The following WDR59 variants were observed in gnomAD, a reference collection of about 807,000 sequenced individuals.
WDR59 encodes WD repeat domain 59, also known as GATOR2 complex protein WDR59.
WDR59 carries 100 observed loss-of-function variants against 131.2 expected under a neutral mutation model. The ratio of observed to expected loss-of-function variants is 0.76; its 90% CI spans 0.65 to 0.90. The LOEUF (loss-of-function observed/expected upper bound fraction) is 0.90, where lower values mean the gene tolerates loss of function less well. Ranked by LOEUF, WDR59 falls within the 40% of genes least tolerant of loss-of-function variation. WDR59 has a pLI of 0.00. For synonymous variants in WDR59, 601 were observed against 466.2 expected, an observed-to-expected ratio of 1.29 and a Z score of -3.72; for missense variants, 1,203 against 1,262.2, an observed-to-expected ratio of 0.95 and a Z score of 0.71.
intron 8 of WDR59, among the ~76,000 whole-genome samples, chr16:74,932,164 G>C (rs1206969399): frequency 2.0e-5 from 3 of 151,564 alleles, no homozygotes; most frequent in Non-Finnish European, 2.9e-5. Flanking sequence ...TCTGATCACA[G>C]CTCATTGCAG....
At chr16:74,924,761 A>G (rs2030608717) in intron 8 of WDR59, among the ~76,000 whole-genome samples, 1 of 152,226 alleles carries the variant, frequency 6.6e-6, no homozygotes, top group African/African-American at 2.4e-5. Context: ...AATAGATGAC[A>G]GCAATCACTC....
intron 4 of WDR59, among the ~76,000 whole-genome samples, chr16:74,950,664 G>A (rs1337109746): frequency 6.6e-6 from 1 of 151,804 alleles, no homozygotes; most frequent in Admixed American, 6.6e-5. Context: ...GTGGATCAAG[G>A]AAAACTCGAA....
At chr16:74,876,046 C>T (rs1459605502) in intron 25 of WDR59, among the ~76,000 whole-genome samples, 2 of 152,142 alleles carry the variant, frequency 1.3e-5, no homozygotes, top group African/African-American at 4.8e-5. Flanking sequence ...TTCGTCGTTA[C>T]ACCACGCATC....
chr16:74,941,419 C>T (rs536019559), intron 7 of WDR59, among the ~76,000 whole-genome samples: 3 of 148,992 alleles, frequency 2.0e-5, no homozygotes, highest in East Asian at 2.0e-4. Context: ...TGTGGCCAGG[C>T]GTGGTGGCTC....
At chr16:74,929,228 C>T (rs2031157386) in intron 8 of WDR59, among the ~76,000 whole-genome samples, 1 of 152,180 alleles carries the variant, frequency 6.6e-6, no homozygotes, top group Non-Finnish European at 1.5e-5. Flanking sequence ...GCGCCCGCCA[C>T]CATGCCCAGC....
At chr16:74,925,215 T>C (rs958937245) in intron 8 of WDR59, among the ~76,000 whole-genome samples, 1 of 152,086 alleles carries the variant, frequency 6.6e-6, no homozygotes, top group African/African-American at 2.4e-5. Context: ...AGGCATTACG[T>C]TGAATGAAAA....
intron 14 of WDR59, among the ~76,000 whole-genome samples, chr16:74,910,267 C>G (rs936169079): frequency 6.6e-6 from 1 of 152,146 alleles, no homozygotes. Context: ...TGCGCCCGGC[C>G]CTGATTGGCT....
At chr16:74,941,068 G>C (rs1425086337) in intron 7 of WDR59, among the ~76,000 whole-genome samples, 1 of 151,942 alleles carries the variant, frequency 6.6e-6, no homozygotes, top group Non-Finnish European at 1.5e-5. Context: ...AAGAAGGCCA[G>C]GAGCAGTGGC....
intron 7 of WDR59, 117 bp from the exon 8 acceptor site, chr16:74,938,383 T>G: frequency 1.6e-6 from 1 of 609,680 alleles, no homozygotes; most frequent in Non-Finnish European, 2.6e-6. Flanking sequence ...ATACTGTCTC[T>G]ACCCTACACA....
In WDR59 at chr16:74,931,973, TATA is replaced by T. The variant is rs552537762; in HGVS notation, c.651+6174_651+6176del. ...TTAATATAAACTTTTGCTCCTGTGTTATAATATCAACTTAAATTATAATTTCAA... is the reference window on the plus strand; with the variant it reads ...TTAATATAAACTTTTGCTCCTGTGTTATATCAACTTAAATTATAATTTCAA... On this transcript the variant is annotated intron_variant, in intron 8 of 25. Coordinates refer to ENST00000262144, the MANE Select transcript of WDR59 (RefSeq NM_030581.4). 2.4e-3 allele frequency among the ~76,000 whole-genome samples: 367 copies of T among 152,136 alleles called. 1 individual carries two copies. Among genetic ancestry groups the T allele is most frequent in the Non-Finnish European group, 4.3e-3 (294 of 67,994 alleles).
At chr16:74,942,369 C>G (rs776353899) in intron 7 of WDR59, among the ~76,000 whole-genome samples, 1 of 152,138 alleles carries the variant, frequency 6.6e-6, no homozygotes, top group African/African-American at 2.4e-5. Flanking sequence ...AAGAAGCCTG[C>G]TGACAATTCT....
At chr16:74,969,970 C>G (rs550235162) in intron 1 of WDR59, among the ~76,000 whole-genome samples, 1 of 152,022 alleles carries the variant, frequency 6.6e-6, no homozygotes, top group East Asian at 1.9e-4. Flanking sequence ...TTTGCCCAGA[C>G]TGGAGTGCAG....
chr16:74,936,163 T>C (rs2031782832), intron 8 of WDR59, among the ~76,000 whole-genome samples: 1 of 152,138 alleles, frequency 6.6e-6, no homozygotes, highest in Non-Finnish European at 1.5e-5. Context: ...ATTATAGGCA[T>C]GAGCCACCAT....
chr16:74,946,235 T>TGTAC (rs2032627953), intron 6 of WDR59, among the ~76,000 whole-genome samples: 1 of 152,230 alleles, frequency 6.6e-6, no homozygotes, highest in Admixed American at 6.5e-5. Context: ...TAGTTATGTA[T>TGTAC]GTACAGAAAA....
At chr16:74,962,774 CTTTTTTT>C (rs34861096) in intron 2 of WDR59, 3 of 147,262 alleles carry the variant, frequency 2.0e-5, no homozygotes, top group Non-Finnish European at 4.5e-5. Flanking sequence ...TTTCTTTTTT[CTTTTTTT>C]TTTTCTCTCT....
chr16:74,936,081 C>T (rs2039638805), intron 8 of WDR59, among the ~76,000 whole-genome samples: 1 of 151,900 alleles, frequency 6.6e-6, no homozygotes, highest in African/African-American at 2.4e-5. Context: ...CATTAATAAG[C>T]TAAGCCTGCT....
chr16:74,945,974 C>G (rs1372084252), intron 6 of WDR59, among the ~76,000 whole-genome samples: 1 of 151,996 alleles, frequency 6.6e-6, no homozygotes, highest in Admixed American at 6.6e-5. Context: ...TGCACCACCA[C>G]GCCCGGCTAA....
intron 13 of WDR59, among the ~76,000 whole-genome samples, 159 bp from the exon 14 acceptor site, chr16:74,912,521 T>C (rs1966150197): frequency 6.6e-6 from 1 of 152,162 alleles, no homozygotes; most frequent in Non-Finnish European, 1.5e-5. Flanking sequence ...TTCAAAAAGA[T>C]TCTTAAATTT....
intron 20 of WDR59, among the ~76,000 whole-genome samples, chr16:74,891,332 T>C (rs1475929823): frequency 6.6e-6 from 1 of 151,970 alleles, no homozygotes; most frequent in Non-Finnish European, 1.5e-5. Flanking sequence ...GCATGCAAAA[T>C]CAATTAAATC....
Sources: gnomAD v4.1 joint callset for allele counts (sites outside exome capture counted in the v4.1 genomes callset) on GRCh38, gnomAD v4.1.1 for gene constraint, MANE v1.5 for transcripts, NCBI Gene and HGNC (gene_info 2026-07-23, HGNC 2026-07-21) for gene names.